BRD7: variants seen among roughly 807,000 people sequenced by gnomAD.
BRD7 encodes the protein bromodomain containing 7.
A neutral mutation model predicts 82.1 loss-of-function variants in BRD7; 15 were observed. The observed-to-expected ratio is 0.18, with a 90% CI of 0.12 to 0.28. BRD7 has a LOEUF of 0.28. Among genes scored for constraint, BRD7 ranks in the 10% least tolerant of loss-of-function variants. The pLI, the probability that BRD7 is intolerant of heterozygous loss-of-function variation, is 1.00. For missense variants in BRD7, 638 were observed against 779.9 expected, an observed-to-expected ratio of 0.82 and a Z score of 2.17; for synonymous variants, 232 against 266.9, an observed-to-expected ratio of 0.87 and a Z score of 1.27.
intron 5 of BRD7, among the ~76,000 whole-genome samples, chr16:50,345,766 A>T (rs915019507): frequency 6.6e-6 from 1 of 152,216 alleles, no homozygotes; most frequent in Non-Finnish European, 1.5e-5. Flanking sequence ...CAGATTCATA[A>T]AGCAAGTCCT....
intron 4 of BRD7, among the ~76,000 whole-genome samples, chr16:50,352,140 T>C (rs191984245): frequency 1.0e-3 from 155 of 152,032 alleles, no homozygotes; most frequent in African/African-American, 3.6e-3. Flanking sequence ...AGATCCCACA[T>C]GAGTGAGATG....
intron 6 of BRD7, 120 bp from the exon 7 acceptor site, chr16:50,335,015 A>C: frequency 2.0e-6 from 2 of 978,174 alleles, no homozygotes; most frequent in Admixed American, 5.7e-5. Context: ...AAAACAATTA[A>C]ATGTAATCAT....
intron 1 of BRD7, 138 bp downstream of exon 1, chr16:50,368,588 G>A (rs2039247314): frequency 2.1e-6 from 2 of 931,796 alleles, no homozygotes; most frequent in East Asian, 6.8e-5. Flanking sequence ...GCGGCCTCCG[G>A]CAGGACGCGC....
intron 1 of BRD7, 163 bp from the exon 2 acceptor site, chr16:50,368,461 G>A (rs1449542270): frequency 3.5e-6 from 3 of 852,822 alleles, no homozygotes; most frequent in Admixed American, 3.0e-5. Flanking sequence ...GGGGTGCGGC[G>A]GCGCCGCCCG....
At chr16:50,368,663 A>G in intron 1 of BRD7, 63 bp downstream of exon 1, 3 of 1,503,002 alleles carry the variant, frequency 2.0e-6, no homozygotes, top group Non-Finnish European at 2.7e-6. Flanking sequence ...AGCCACTGGG[A>G]AAGAGCGGAA....
intron 2 of BRD7, among the ~76,000 whole-genome samples, chr16:50,364,508 T>C (rs532253166): frequency 1.3e-5 from 2 of 152,266 alleles, no homozygotes; most frequent in Admixed American, 6.5e-5. Context: ...GAATGTGAAA[T>C]AGAAACCATC....
At chr16:50,338,502 C>A (rs377273252) in intron 6 of BRD7, among the ~76,000 whole-genome samples, 27 of 152,256 alleles carry the variant, frequency 1.8e-4, no homozygotes, top group Admixed American at 3.9e-4. Flanking sequence ...CCATAAAAAT[C>A]GAAAAACCAC....
chr16:50,341,191 C>T (rs950401291), intron 5 of BRD7, among the ~76,000 whole-genome samples: 1 of 88,354 alleles, frequency 1.1e-5, no homozygotes, highest in Non-Finnish European at 2.1e-5. Flanking sequence ...CACACACACA[C>T]ACACACACAC....
chr16:50,345,664 G>A (rs1486873245), intron 5 of BRD7, among the ~76,000 whole-genome samples: 1 of 151,906 alleles, frequency 6.6e-6, no homozygotes, highest in Admixed American at 6.6e-5. Flanking sequence ...GATCAAAAGA[G>A]ACAAAGAAGG....
intron 2 of BRD7, among the ~76,000 whole-genome samples, chr16:50,357,163 A>T (rs2038767209): frequency 6.6e-6 from 1 of 152,236 alleles, no homozygotes; most frequent in Non-Finnish European, 1.5e-5. Context: ...TTGTCCCTAG[A>T]ATTACTGATC....
chr16:50,349,891 G>A, intron 5 of BRD7, 132 bp downstream of exon 5: 1 of 865,168 alleles, frequency 1.2e-6, no homozygotes, highest in Non-Finnish European at 1.7e-6. Flanking sequence ...TTCTGAAGCA[G>A]AAATAAACAA....
intron 7 of BRD7, 112 bp downstream of exon 7, chr16:50,334,599 A>G: frequency 7.8e-7 from 1 of 1,274,156 alleles, no homozygotes; most frequent in East Asian, 2.3e-5. Context: ...AAACACCACC[A>G]CCACCGACAC....
intron 4 of BRD7, among the ~76,000 whole-genome samples, chr16:50,351,832 T>TTGTATGTA (rs374839523): frequency 2.6e-5 from 4 of 151,926 alleles, no homozygotes; most frequent in African/African-American, 9.7e-5. Context: ...CGGTGTATCC[T>TTGTATGTA]TGTATGTATG....
intron 5 of BRD7, chr16:50,349,299 G>A (rs1396042236): frequency 3.7e-6 from 1 of 268,576 alleles, no homozygotes; most frequent in South Asian, 3.4e-5. Context: ...TAATGTAAAT[G>A]ATGAGTTAAT....
At chr16:50,357,190 A>C (rs750673786) in intron 2 of BRD7, among the ~76,000 whole-genome samples, 42 of 152,246 alleles carry the variant, frequency 2.8e-4, no homozygotes, top group Admixed American at 5.2e-4. Flanking sequence ...TATGGGGTAG[A>C]GACAGAGAAT....
intron 4 of BRD7, among the ~76,000 whole-genome samples, chr16:50,351,901 CCAAA>C (rs2038542758): frequency 6.7e-6 from 1 of 148,204 alleles, no homozygotes; most frequent in African/African-American, 2.5e-5. Context: ...ATTTATCACC[CCAAA>C]CACTTGTTAT....
intron 2 of BRD7, among the ~76,000 whole-genome samples, chr16:50,359,307 A>G (rs2151203492): frequency 6.6e-6 from 1 of 152,382 alleles, no homozygotes; most frequent in Non-Finnish European, 1.5e-5. Flanking sequence ...CTATGGTGTC[A>G]TGGATAAACT....
At chr16:50,320,165 C>A in intron 15 of BRD7, 83 bp downstream of exon 15, 1 of 1,537,972 alleles carries the variant, frequency 6.5e-7, no homozygotes. Flanking sequence ...CAGCATTACT[C>A]TATAGTGGCA....
At chr16:50,364,796 T>C (rs1165289398) in intron 2 of BRD7, among the ~76,000 whole-genome samples, 1 of 152,200 alleles carries the variant, frequency 6.6e-6, no homozygotes, top group East Asian at 1.9e-4. Context: ...TATATCCATA[T>C]AACTAAATAC....
Sources: allele counts gnomAD v4.1 joint callset (sites outside exome capture counted in the v4.1 genomes callset), GRCh38; gene constraint gnomAD v4.1.1; transcripts MANE v1.5; gene names NCBI Gene and HGNC (gene_info 2026-07-23, HGNC 2026-07-21).